The following RHBDL2 variants were observed in gnomAD, a reference collection of about 807,000 sequenced individuals.
RHBDL2 encodes the protein rhomboid like 2, also known as rhomboid-related protein 2.
RHBDL2 carries 26 observed loss-of-function variants against 31.7 expected under a neutral mutation model. That is an observed-to-expected ratio of 0.82 (90% CI 0.60 to 1.14). The LOEUF (loss-of-function observed/expected upper bound fraction) is 1.14. Among genes scored for constraint, RHBDL2 ranks in the 50% most tolerant of loss-of-function variants. The probability of loss-of-function intolerance (pLI) is 0.00; values close to 1 mark genes in which losing one functional copy is unlikely to be tolerated. For synonymous variants in RHBDL2, 123 were observed against 127.2 expected (o/e 0.97, Z 0.22); for missense variants, 336 against 364.4 (o/e 0.92, Z 0.63).
intron 1 of RHBDL2, among the ~76,000 whole-genome samples, chr1:38,927,426 CA>C (rs566835644): frequency 2.0e-5 from 3 of 150,458 alleles, no homozygotes. Context: ...GACTCCATCT[CA>C]AAAAAAAAGA....
intron 1 of RHBDL2, among the ~76,000 whole-genome samples, chr1:38,925,180 T>C (rs1027011557): frequency 3.3e-5 from 5 of 152,010 alleles, no homozygotes; most frequent in African/African-American, 7.2e-5. Flanking sequence ...ACATACCACA[T>C]AGTGTCTCCC....
At chr1:38,933,430 G>C (rs1643459134) in intron 1 of RHBDL2, among the ~76,000 whole-genome samples, 1 of 152,128 alleles carries the variant, frequency 6.6e-6, no homozygotes, top group African/African-American at 2.4e-5. Context: ...AAAATAGTTA[G>C]TTTATTTATT....
chr1:38,938,416 CT>C (rs1643532262), intron 1 of RHBDL2, among the ~76,000 whole-genome samples: 1 of 151,982 alleles, frequency 6.6e-6, no homozygotes, highest in Non-Finnish European at 1.5e-5. Flanking sequence ...ATTTATCCAC[CT>C]TCATTTCTTT....
intron 4 of RHBDL2, among the ~76,000 whole-genome samples, chr1:38,901,417 G>T (rs1479212836): frequency 7.1e-6 from 1 of 139,960 alleles, no homozygotes; most frequent in South Asian, 2.2e-4. Context: ...ACCCAAGATC[G>T]CACCATTGCA....
intron 4 of RHBDL2, among the ~76,000 whole-genome samples, chr1:38,903,144 A>AT (rs550835658): frequency 0.026 from 3,770 of 147,346 alleles, 92 homozygotes; most frequent in Admixed American, 0.07. Flanking sequence ...GAGAAATATA[A>AT]TTTTTTTTTT....
At chr1:38,930,062 G>A (rs1643423826) in intron 1 of RHBDL2, among the ~76,000 whole-genome samples, 1 of 152,150 alleles carries the variant, frequency 6.6e-6, no homozygotes, top group African/African-American at 2.4e-5. Context: ...GGCAGCTAAG[G>A]TAGAGAACTC....
At chr1:38,931,074 G>A (rs1643434194) in intron 1 of RHBDL2, among the ~76,000 whole-genome samples, 1 of 152,210 alleles carries the variant, frequency 6.6e-6, no homozygotes, top group Non-Finnish European at 1.5e-5. Context: ...ATCATCTGAA[G>A]AGACTTAAAT....
At chr1:38,904,824 T>A (rs61780051) in intron 4 of RHBDL2, among the ~76,000 whole-genome samples, 2 of 143,462 alleles carry the variant, frequency 1.4e-5, no homozygotes, top group South Asian at 2.2e-4. Flanking sequence ...GAGGTCAGGA[T>A]ATCGAGACCA....
At chr1:38,899,573 G>T (rs1265657018) in intron 4 of RHBDL2, among the ~76,000 whole-genome samples, 1 of 152,190 alleles carries the variant, frequency 6.6e-6, no homozygotes, top group Non-Finnish European at 1.5e-5. Context: ...TGGGAACACT[G>T]GGCACCTAGG....
At chr1:38,912,910 A>ATGTGTGTGTGTG (rs869081947) in intron 3 of RHBDL2, among the ~76,000 whole-genome samples, 7 of 41,366 alleles carry the variant, frequency 1.7e-4, no homozygotes, top group African/African-American at 4.6e-4. Context: ...ATATATATAT[A>ATGTGTGTGTGTG]TGTGTGTGTG....
At chr1:38,899,724 G>A (rs549050340) in intron 4 of RHBDL2, among the ~76,000 whole-genome samples, 109 of 152,330 alleles carry the variant, frequency 7.2e-4, no homozygotes, top group Non-Finnish European at 1.5e-3. Flanking sequence ...CCTTTGAAAA[G>A]CCATCAAGGC....
chr1:38,918,944 T>G (rs370252603), intron 2 of RHBDL2, 23 bp downstream of exon 2: 1 of 1,602,044 alleles, frequency 6.2e-7, no homozygotes, highest in Non-Finnish European at 8.5e-7. Context: ...CTTACCCCGG[T>G]GCCCACCCCG....
intron 1 of RHBDL2, chr1:38,926,127 T>C (rs1643371961): frequency 4.4e-6 from 5 of 1,141,046 alleles, no homozygotes; most frequent in Admixed American, 7.3e-5. Flanking sequence ...CTTTTGCATG[T>C]CCCTAGGCAG....
chr1:38,917,208 A>G (rs1028603274), intron 2 of RHBDL2, among the ~76,000 whole-genome samples: 19 of 151,510 alleles, frequency 1.3e-4, no homozygotes, highest in Admixed American at 1.1e-3. Flanking sequence ...TAGTAGAGAC[A>G]GGGTTTCACC....
intron 3 of RHBDL2, among the ~76,000 whole-genome samples, chr1:38,914,264 CAG>C (rs1643198859): frequency 6.6e-6 from 1 of 151,920 alleles, no homozygotes; most frequent in African/African-American, 2.4e-5. Context: ...ATTTTTGAGA[CAG>C]AGTTTCACTC....
chr1:38,941,237 C>T (rs1021325723), intron 1 of RHBDL2, among the ~76,000 whole-genome samples: 1 of 152,194 alleles, frequency 6.6e-6, no homozygotes, highest in Non-Finnish European at 1.5e-5. Context: ...AGCCGCCTTG[C>T]GGGTAGAAGT....
At chr1:38,908,513 CAAAAAA>C (rs35185971) in intron 4 of RHBDL2, among the ~76,000 whole-genome samples, 6 of 66,876 alleles carry the variant, frequency 9.0e-5, no homozygotes, top group Non-Finnish European at 1.4e-4. Flanking sequence ...ACTCCGTCTC[CAAAAAA>C]AAAAAAAAAA....
At chr1:38,889,128 C>A (rs1198299155) in intron 6 of RHBDL2, among the ~76,000 whole-genome samples, 1 of 152,176 alleles carries the variant, frequency 6.6e-6, no homozygotes, top group African/African-American at 2.4e-5. Context: ...AGTCTCAACT[C>A]TGTCGCCCAG....
At chr1:38,906,194 A>G (rs1643064863) in intron 4 of RHBDL2, among the ~76,000 whole-genome samples, 1 of 152,232 alleles carries the variant, frequency 6.6e-6, no homozygotes, top group South Asian at 2.1e-4. Context: ...TAGTGCTTGA[A>G]GTGCTAGCCA....
Sources: allele counts gnomAD v4.1 joint callset (sites outside exome capture counted in the v4.1 genomes callset), GRCh38; gene constraint gnomAD v4.1.1; transcripts MANE v1.5; gene names NCBI Gene and HGNC (gene_info 2026-07-23, HGNC 2026-07-21).